PRMT8: variants seen among roughly 807,000 people sequenced by gnomAD.
PRMT8 encodes the protein protein arginine methyltransferase 8, also known as protein arginine N-methyltransferase 8.
PRMT8 carries 7 observed loss-of-function variants against 47.1 expected under a neutral mutation model. That is an observed-to-expected ratio of 0.15 (90% CI 0.08 to 0.28). The LOEUF is 0.28. Ranked by LOEUF, PRMT8 falls within the 10% of genes least tolerant of loss-of-function variation. The pLI, the probability that PRMT8 is intolerant of heterozygous loss-of-function variation, is 1.00. For missense variants in PRMT8, 237 were observed against 505.4 expected (o/e 0.47, Z 5.09); for synonymous variants, 188 against 186.5 (o/e 1.01, Z -0.07).
At position 3,534,467 on chromosome 12, in the gene PRMT8, C is replaced by T. The variant is rs555465121; in HGVS notation, c.76-6139C>T. On this transcript the variant is annotated intron_variant, in intron 1 of 9. Transcript: ENST00000382622. ...AGCTTCTTTTTCCTCTCCTCTACCA[C>T]CTCTTTCCTATTCTCTTGGAGGTTC... is the stretch of plus-strand genomic sequence containing the variant. Among the ~76,000 whole-genome samples the T allele has an allele frequency of 6.6e-5, 10 of 152,310 alleles. No homozygotes were observed. In the East Asian group the frequency reaches 1.9e-3, roughly 29 times the overall value.
At chr12:3,495,815 C>T (rs1865495554) in intron 1 of PRMT8, among the ~76,000 whole-genome samples, 1 of 152,150 alleles carries the variant, frequency 6.6e-6, no homozygotes, top group Non-Finnish European at 1.5e-5. Context: ...CTATCTCCCA[C>T]CCCACCTGTC....
chr12:3,532,667 C>CA (rs1300395145), intron 1 of PRMT8, among the ~76,000 whole-genome samples: 3 of 147,218 alleles, frequency 2.0e-5, no homozygotes, highest in African/African-American at 7.5e-5. Context: ...CTTATCTGCC[C>CA]AAACCTACTT....
At position 3,576,854 on chromosome 12, in the gene PRMT8, T is replaced by C; in HGVS notation, c.713-17T>C. On this transcript the variant is annotated splice_polypyrimidine_tract_variant and intron_variant, in intron 6 of 9. Transcript: ENST00000382622. This position sits in a 1 kb window ranked among gnomAD's most constrained non-coding sequence, Gnocchi z 4.0. The stretch of plus-strand genomic sequence containing the variant: ...GGGGTCCTGCGCCTGCCTTCACGTC[T>C]TGCTCTGCTCCCACAGGGTGGGAGA... 1 of 1,610,624 alleles carries C rather than the reference T, an allele frequency of 6.2e-7. No homozygotes were observed. Among genetic ancestry groups the C allele is most frequent in the Non-Finnish European group, 8.5e-7 (1 of 1,177,004 alleles).
rs1017458033 is a variant in PRMT8, at chr12:3,550,311, G to A, written c.417+220G>A. 7.9e-5 allele frequency: 42 copies of A among 529,922 alleles called. No homozygotes were observed. The highest frequency in any genetic ancestry group is 5.0e-4 in the Middle Eastern group (1 of 1,994). The allele number at this position is 529,922 out of a possible 1,614,324, so 32.8% of individuals were successfully genotyped here. A position where few individuals can be genotyped will look rare whatever the true frequency, so the allele number is the denominator to read the frequency against. Reference sequence around the variant, plus strand: ...GATCCTTACAACCACTGACATTTGCGGAGGAACTGTGGCTTTCCTGAGACC... The same window carrying A: ...GATCCTTACAACCACTGACATTTGCAGAGGAACTGTGGCTTTCCTGAGACC... On this transcript the variant is annotated intron_variant, in intron 3 of 9. Coordinates refer to ENST00000382622, the MANE Select transcript of PRMT8 (RefSeq NM_019854.5). This position sits in a 1 kb window ranked among gnomAD's most constrained non-coding sequence, Gnocchi z 5.1.
intron 1 of PRMT8, among the ~76,000 whole-genome samples, chr12:3,393,235 A>G (rs1864213679): frequency 6.6e-6 from 1 of 152,120 alleles, no homozygotes; most frequent in Non-Finnish European, 1.5e-5. Context: ...CCGTTTGTCA[A>G]TTTTGGCTTT....
intron 1 of PRMT8, among the ~76,000 whole-genome samples, chr12:3,443,797 C>G (rs1029176756): frequency 2.0e-5 from 3 of 152,244 alleles, no homozygotes; most frequent in African/African-American, 7.2e-5. Context: ...CTTATCAGCA[C>G]CTGGCCTTGC....
chr12:3,403,205 A>G (rs1262186212), intron 1 of PRMT8, among the ~76,000 whole-genome samples: 1 of 152,176 alleles, frequency 6.6e-6, no homozygotes, highest in Non-Finnish European at 1.5e-5. Flanking sequence ...TCCTCAGCAA[A>G]CTAACACAGG....
chr12:3,592,002 T>C (rs1867316599), intron 8 of PRMT8, among the ~76,000 whole-genome samples: 1 of 151,972 alleles, frequency 6.6e-6, no homozygotes, highest in Non-Finnish European at 1.5e-5. Flanking sequence ...ACTGAGGAGA[T>C]GGGGATGTGA....
At chr12:3,396,577 G>A (rs1315464469) in intron 1 of PRMT8, among the ~76,000 whole-genome samples, 1 of 152,228 alleles carries the variant, frequency 6.6e-6, no homozygotes, top group Non-Finnish European at 1.5e-5. Flanking sequence ...TCTGCCGAAA[G>A]ATCCACTGTT....
At chr12:3,413,766 A>AAT (rs1864456166) in intron 1 of PRMT8, among the ~76,000 whole-genome samples, 2 of 152,204 alleles carry the variant, frequency 1.3e-5, no homozygotes, top group Non-Finnish European at 2.9e-5. Flanking sequence ...TCGGGGGAAA[A>AAT]AAAACCAATA....
At chr12:3,556,861 G>A (rs559047694) in intron 4 of PRMT8, among the ~76,000 whole-genome samples, 26 of 152,076 alleles carry the variant, frequency 1.7e-4, no homozygotes, top group Admixed American at 1.6e-3. Flanking sequence ...ACAGGTGGAG[G>A]GGTGGTCTTT....
Position 3,572,603 on chromosome 12 carries a change from A to C in PRMT8, c.712+3039A>C, listed in dbSNP as rs533896809. On this transcript the variant is annotated intron_variant, in intron 6 of 9. Coordinates refer to ENST00000382622, the MANE Select transcript of PRMT8 (RefSeq NM_019854.5). This position sits in a 1 kb window ranked among gnomAD's most constrained non-coding sequence, Gnocchi z 5.9. ...CTGTCTGTGGGCTTCACTTCCACTC[A>C]TGACATCCAGAGTTTCCTCTGGTTC... Among the ~76,000 whole-genome samples, 9 of 152,332 alleles carry C rather than the reference A, an allele frequency of 5.9e-5. No individual in the cohort carries two copies. The highest frequency in any genetic ancestry group is 2.2e-4 in the African/African-American group (9 of 41,568).
intron 1 of PRMT8, among the ~76,000 whole-genome samples, chr12:3,496,214 A>ATATTTTTTTTTTT: frequency 3.6e-5 from 1 of 27,776 alleles, no homozygotes; most frequent in Non-Finnish European, 7.9e-5. Flanking sequence ...ATATATATAT[A>ATATTTTTTTTTTT]TTTTTTTTTT....
At chr12:3,554,235 C>T (rs1228072330) in intron 4 of PRMT8, among the ~76,000 whole-genome samples, 2 of 152,184 alleles carry the variant, frequency 1.3e-5, no homozygotes, top group Admixed American at 6.5e-5. Flanking sequence ...TAGAGAGGGG[C>T]GTCCCTTCCC....
chr12:3,491,117 C>T (rs1421789758), upstream of PRMT8: 2 of 981,750 alleles, frequency 2.0e-6, no homozygotes, highest in South Asian at 4.7e-5. Context: ...CGGTCTGCGC[C>T]CAGCCGCCGC....
rs1867118144 is a variant in PRMT8 at position 3,583,841 on chromosome 12, T to G, written c.979+633T>G. ...CTCCAGCCTCATTCCTCACCACCCC[T>G]CTTGGCCGAGCCCTGTCCCGTCGCT... On this transcript the variant is annotated intron_variant, in intron 8 of 9. Transcript: ENST00000382622. The surrounding 1 kb of genome is among the most constrained non-coding windows in gnomAD (Gnocchi z 4.7). 1.3e-5 allele frequency among the ~76,000 whole-genome samples: 2 copies of G among 152,246 alleles called. No individual in the cohort carries two copies. Among genetic ancestry groups the G allele is most frequent in the African/African-American group, 4.8e-5 (2 of 41,556 alleles).
intron 1 of PRMT8, among the ~76,000 whole-genome samples, chr12:3,394,571 A>C (rs1369638391): frequency 6.6e-6 from 1 of 152,122 alleles, no homozygotes; most frequent in African/African-American, 2.4e-5. Context: ...CCACTTGATC[A>C]TGGTGGATAA....
chr12:3,431,660 C>T (rs1241189729), intron 1 of PRMT8, among the ~76,000 whole-genome samples: 5 of 152,146 alleles, frequency 3.3e-5, no homozygotes, highest in Non-Finnish European at 7.4e-5. Flanking sequence ...TGCAGTCAAG[C>T]AAGGTAAGGG....
At chr12:3,433,790 T>G (rs944782463) in intron 1 of PRMT8, among the ~76,000 whole-genome samples, 2 of 152,148 alleles carry the variant, frequency 1.3e-5, no homozygotes, top group African/African-American at 4.8e-5. Flanking sequence ...TTTTGTATTT[T>G]TAGTAGAGAT....
Sources: gnomAD v4.1 joint callset for allele counts (sites outside exome capture counted in the v4.1 genomes callset) on GRCh38, gnomAD v4.1.1 for gene constraint, Gnocchi (gnomAD v3.1) non-coding constraint, MANE v1.5 for transcripts, NCBI Gene and HGNC (gene_info 2026-07-23, HGNC 2026-07-21) for gene names.